ZFAND3: variants seen among roughly 807,000 people sequenced by gnomAD.
ZFAND3 encodes AN1-type zinc finger protein 3.
Under a neutral mutation model 29.6 loss-of-function variants are expected in ZFAND3, and 10 were observed. The ratio of observed to expected loss-of-function variants is 0.34; its 90% CI spans 0.21 to 0.57. ZFAND3 has a LOEUF of 0.57. ZFAND3 is among the 20% of genes least tolerant of loss of function. ZFAND3 has a pLI of 0.86. For synonymous variants in ZFAND3, 128 were observed against 112.6 expected, an observed-to-expected ratio of 1.14 and a Z score of -0.87; for missense variants, 230 against 304.5, an observed-to-expected ratio of 0.76 and a Z score of 1.82.
chr6:37,932,576 G>A (rs968069424), intron 2 of ZFAND3, among the ~76,000 whole-genome samples: 21 of 152,182 alleles, frequency 1.4e-4, no homozygotes, highest in African/African-American at 4.8e-4. Flanking sequence ...TTGTAATTTA[G>A]TAAAGTATGG....
intron 1 of ZFAND3, among the ~76,000 whole-genome samples, chr6:37,825,124 T>C (rs546196938): frequency 6.7e-6 from 1 of 148,372 alleles, no homozygotes; most frequent in Admixed American, 6.7e-5. Context: ...TGTGCTTGGC[T>C]CCTCATAGTG....
chr6:37,994,043 A>T (rs1310886998), intron 2 of ZFAND3, among the ~76,000 whole-genome samples: 2 of 152,146 alleles, frequency 1.3e-5, no homozygotes, highest in Admixed American at 6.5e-5. Flanking sequence ...CTAACTTTTT[A>T]AAAAAACGAT....
intron 2 of ZFAND3, among the ~76,000 whole-genome samples, chr6:38,010,695 G>A (rs1311433432): frequency 6.6e-6 from 1 of 151,438 alleles, no homozygotes; most frequent in Non-Finnish European, 1.5e-5. Context: ...CGCCTCACGG[G>A]TTCAAGCAAT....
intron 1 of ZFAND3, among the ~76,000 whole-genome samples, chr6:37,860,741 A>G (rs1352532450): frequency 7.7e-6 from 1 of 129,940 alleles, no homozygotes; most frequent in African/African-American, 2.9e-5. Context: ...TACCTTTTTC[A>G]CCCAGTTTTT....
intron 5 of ZFAND3, among the ~76,000 whole-genome samples, chr6:38,145,933 A>G (rs1200545475): frequency 6.6e-6 from 1 of 152,170 alleles, no homozygotes; most frequent in Non-Finnish European, 1.5e-5. Flanking sequence ...TGCTTTTCTC[A>G]TTCACATGGG....
intron 1 of ZFAND3, among the ~76,000 whole-genome samples, chr6:37,913,852 A>G (rs2127406047): frequency 6.6e-6 from 1 of 151,872 alleles, no homozygotes; most frequent in African/African-American, 2.4e-5. Context: ...CTGGGACTAT[A>G]GGCACAGGCC....
intron 2 of ZFAND3, among the ~76,000 whole-genome samples, chr6:37,943,770 T>G (rs1193153491): frequency 2.6e-5 from 4 of 152,214 alleles, no homozygotes; most frequent in Non-Finnish European, 4.4e-5. Context: ...TAGAGCCCTT[T>G]TCTTACCAAA....
At chr6:37,991,130 C>T (rs1236238784) in intron 2 of ZFAND3, among the ~76,000 whole-genome samples, 1 of 151,980 alleles carries the variant, frequency 6.6e-6, no homozygotes, top group African/African-American at 2.4e-5. Flanking sequence ...CTCTGGAAAC[C>T]TCAGGAGTCT....
In ZFAND3 at chr6:38,048,621, C is replaced by CAAAAAAAAAAAAAAAAAAAAAA. The variant is rs70981521; in HGVS notation, c.113-12959_113-12958insAAAAAAAAAAAAAAAAAAAAAA. Among the ~76,000 whole-genome samples the CAAAAAAAAAAAAAAAAAAAAAA allele has an allele frequency of 2.7e-3, 151 of 56,240 alleles. 21 individuals are homozygous for CAAAAAAAAAAAAAAAAAAAAAA. Among genetic ancestry groups the CAAAAAAAAAAAAAAAAAAAAAA allele is most frequent in the Middle Eastern group, 0.01 (1 of 96 alleles). The allele number at this position is 56,240 out of a possible 152,430, so 36.9% of individuals were successfully genotyped here. ...TGGGTGACAGAGTGAGACTCCGTCT[C>CAAAAAAAAAAAAAAAAAAAAAA]AAAAAAAAAAAAATTCAATGCCTGT... On this transcript the variant is annotated intron_variant, in intron 2 of 5. Coordinates refer to ENST00000287218, the MANE Select transcript of ZFAND3 (RefSeq NM_021943.3).
intron 2 of ZFAND3, among the ~76,000 whole-genome samples, chr6:37,995,259 A>G (rs1435621439): frequency 2.0e-5 from 3 of 152,180 alleles, no homozygotes; most frequent in African/African-American, 4.8e-5. Context: ...TTCTTAAAAT[A>G]AGGAAAACTA....
chr6:38,117,256 CTTTTTT>C (rs35684874), intron 5 of ZFAND3, among the ~76,000 whole-genome samples: 44 of 96,356 alleles, frequency 4.6e-4, no homozygotes, highest in Admixed American at 1.3e-3. Flanking sequence ...TTGAAATAGC[CTTTTTT>C]TTTTTTTTTT....
intron 2 of ZFAND3, among the ~76,000 whole-genome samples, chr6:37,975,321 G>T (rs764696862): frequency 1.3e-4 from 20 of 151,762 alleles, no homozygotes; most frequent in Non-Finnish European, 2.5e-4. Flanking sequence ...TTTAAATTGG[G>T]TTTTTTTCTT....
intron 5 of ZFAND3, among the ~76,000 whole-genome samples, chr6:38,144,479 G>T (rs988736850): frequency 6.6e-6 from 1 of 152,040 alleles, no homozygotes. Flanking sequence ...AGATCTACCT[G>T]CCTGGGCCCC....
intron 1 of ZFAND3, among the ~76,000 whole-genome samples, chr6:37,901,472 C>G (rs564769990): frequency 6.4e-4 from 98 of 152,142 alleles, no homozygotes; most frequent in African/African-American, 2.0e-3. Context: ...ATTAGCGAGA[C>G]GTGGTGGCAC....
chr6:38,097,284 C>T (rs995963988), intron 4 of ZFAND3, among the ~76,000 whole-genome samples: 5 of 145,856 alleles, frequency 3.4e-5, no homozygotes, highest in Non-Finnish European at 6.0e-5. Context: ...GACGGAGTCT[C>T]GCTTGTTGTC....
At position 38,060,739 on chromosome 6, in the gene ZFAND3, C is replaced by T. The variant is rs114534226; in HGVS notation, c.113-854C>T. Among the ~76,000 whole-genome samples the T allele has an allele frequency of 8.3e-3, 1,260 of 152,300 alleles. 10 individuals are homozygous for T. Among genetic ancestry groups the T allele is most frequent in the Middle Eastern group, 0.02 (6 of 294 alleles). ...ATGCTAAGATTATAGGCGTGAGCTA[C>T]TGTGCCCTGCCTGTTCATTTATATT... On this transcript the variant is annotated intron_variant, in intron 2 of 5. Coordinates refer to ENST00000287218, the MANE Select transcript of ZFAND3 (RefSeq NM_021943.3).
intron 3 of ZFAND3, among the ~76,000 whole-genome samples, chr6:38,071,356 C>T (rs1379573072): frequency 6.6e-6 from 1 of 151,896 alleles, no homozygotes; most frequent in African/African-American, 2.4e-5. Flanking sequence ...CTTTTTCTAT[C>T]GTTAGCTCTT....
intron 1 of ZFAND3, among the ~76,000 whole-genome samples, chr6:37,867,019 T>C (rs997440302): frequency 2.6e-5 from 4 of 152,222 alleles, no homozygotes; most frequent in Admixed American, 1.3e-4. Flanking sequence ...AGATGATGAC[T>C]CAAAGTCAAA....
chr6:37,853,304 C>G (rs1764315981), intron 1 of ZFAND3, among the ~76,000 whole-genome samples: 1 of 150,144 alleles, frequency 6.7e-6, no homozygotes, highest in Non-Finnish European at 1.5e-5. Flanking sequence ...ATAGGTGGGC[C>G]TGAGGGGCAA....
Sources: gnomAD v4.1 joint callset for allele counts (sites outside exome capture counted in the v4.1 genomes callset) on GRCh38, gnomAD v4.1.1 for gene constraint, MANE v1.5 for transcripts, NCBI Gene and HGNC (gene_info 2026-07-23, HGNC 2026-07-21) for gene names.